The following ZNF407 variants were observed in gnomAD, a reference collection of about 807,000 sequenced individuals.
ZNF407 encodes the protein zinc finger protein 407.
ZNF407 carries 17 observed loss-of-function variants against 131.2 expected under a neutral mutation model. The ratio of observed to expected loss-of-function variants is 0.13; its 90% confidence interval spans 0.09 to 0.19. The LOEUF (loss-of-function observed/expected upper bound fraction) is 0.19, where lower values mean the gene tolerates loss of function less well. Ranked by LOEUF, ZNF407 falls within the 10% of genes least tolerant of loss-of-function variation. The pLI is 1.00. For synonymous variants in ZNF407, 1,156 were observed against 1,062.0 expected (o/e 1.09, Z -1.72); for missense variants, 2,681 against 2,830.6 (o/e 0.95, Z 1.20).
chr18:74,878,078 G>T (rs1313341728), intron 5 of ZNF407, among the ~76,000 whole-genome samples: 1 of 152,174 alleles, frequency 6.6e-6, no homozygotes, highest in East Asian at 1.9e-4. Flanking sequence ...AGAACTCTCA[G>T]TTGGGCCCTT....
At chr18:74,807,225 G>A (rs1970123503) in intron 4 of ZNF407, among the ~76,000 whole-genome samples, 1 of 152,138 alleles carries the variant, frequency 6.6e-6, no homozygotes, top group Non-Finnish European at 1.5e-5. Context: ...GATGAGAAAG[G>A]CAGCATTAAA....
intron 4 of ZNF407, among the ~76,000 whole-genome samples, chr18:74,817,634 A>C (rs1350177232): frequency 6.6e-6 from 1 of 152,198 alleles, no homozygotes; most frequent in Non-Finnish European, 1.5e-5. Context: ...GACACTATTT[A>C]AGATATTTGT....
intron 3 of ZNF407, among the ~76,000 whole-genome samples, chr18:74,688,033 C>A (rs945653090): frequency 6.6e-6 from 1 of 152,058 alleles, no homozygotes; most frequent in African/African-American, 2.4e-5. Context: ...TTAGTAAATT[C>A]TTTAATAAAA....
intron 4 of ZNF407, among the ~76,000 whole-genome samples, chr18:74,828,244 C>T (rs953378701): frequency 2.0e-5 from 3 of 152,128 alleles, no homozygotes; most frequent in African/African-American, 7.2e-5. Flanking sequence ...TGTAGGCATT[C>T]CTAATTTTCA....
chr18:75,050,197 A>G (rs1317390472), intron 8 of ZNF407, among the ~76,000 whole-genome samples: 1 of 152,186 alleles, frequency 6.6e-6, no homozygotes, highest in Admixed American at 6.5e-5. Context: ...AATTATTATT[A>G]CCATATAATA....
intron 4 of ZNF407, among the ~76,000 whole-genome samples, chr18:74,845,414 T>C (rs1970688734): frequency 6.6e-6 from 1 of 152,226 alleles, no homozygotes; most frequent in African/African-American, 2.4e-5. Flanking sequence ...ATGATTTTCA[T>C]CTAAACATAA....
At chr18:75,037,108 A>G (rs1057138387) in intron 8 of ZNF407, among the ~76,000 whole-genome samples, 5 of 152,254 alleles carry the variant, frequency 3.3e-5, no homozygotes, top group East Asian at 1.9e-4. Context: ...GGAATTCTCC[A>G]GCTTGTCAGT....
chr18:74,879,202 A>G (rs771399105), intron 5 of ZNF407, among the ~76,000 whole-genome samples: 5 of 152,196 alleles, frequency 3.3e-5, no homozygotes, highest in East Asian at 1.9e-4. Context: ...TCATGTTTCT[A>G]TTTTACAAGA....
At chr18:74,613,455 G>T (rs1599129934) in intron 1 of ZNF407, among the ~76,000 whole-genome samples, 1 of 152,268 alleles carries the variant, frequency 6.6e-6, no homozygotes, top group East Asian at 1.9e-4. Context: ...TTGATACTGA[G>T]TGCTGAAATT....
At chr18:74,679,820 C>G (rs1462958320) in intron 3 of ZNF407, among the ~76,000 whole-genome samples, 3 of 152,190 alleles carry the variant, frequency 2.0e-5, no homozygotes, top group Non-Finnish European at 2.9e-5. Flanking sequence ...ACTCTAACCC[C>G]ACAGTTGTCT....
chr18:74,917,106 C>G (rs1971782852), intron 7 of ZNF407, among the ~76,000 whole-genome samples: 1 of 152,034 alleles, frequency 6.6e-6, no homozygotes, highest in African/African-American at 2.4e-5. Context: ...ATATATTTGA[C>G]AAGTAACCCA....
intron 8 of ZNF407, among the ~76,000 whole-genome samples, chr18:74,971,381 C>T (rs1479204777): frequency 6.6e-6 from 1 of 152,182 alleles, no homozygotes; most frequent in Admixed American, 6.5e-5. Context: ...AACTTTTGTG[C>T]TCTGCTTCCC....
intron 8 of ZNF407, among the ~76,000 whole-genome samples, chr18:75,055,214 C>T (rs1313140719): frequency 6.6e-6 from 1 of 152,214 alleles, no homozygotes; most frequent in African/African-American, 2.4e-5. Context: ...AAGTACTATT[C>T]ATGGGTAAAT....
At chr18:74,808,995 A>G (rs949166673) in intron 4 of ZNF407, among the ~76,000 whole-genome samples, 2 of 152,238 alleles carry the variant, frequency 1.3e-5, no homozygotes, top group Non-Finnish European at 2.9e-5. Flanking sequence ...GAGCTAACAC[A>G]GACCGAACCG....
chr18:74,691,421 G>T (rs1165886028), intron 3 of ZNF407, among the ~76,000 whole-genome samples: 1 of 151,000 alleles, frequency 6.6e-6, no homozygotes. Context: ...TTTTATTTCA[G>T]CACTTCATAG....
chr18:74,850,031 G>C (rs558970293), intron 4 of ZNF407, among the ~76,000 whole-genome samples: 5 of 152,286 alleles, frequency 3.3e-5, no homozygotes, highest in Non-Finnish European at 7.4e-5. Flanking sequence ...CCCCATTCAT[G>C]AAATTATACC....
chr18:75,061,062 G>A (rs182086324), intron 8 of ZNF407, among the ~76,000 whole-genome samples: 1 of 152,262 alleles, frequency 6.6e-6, no homozygotes, highest in Non-Finnish European at 1.5e-5. Context: ...AATTAACTCG[G>A]TATTGAAAGA....
At chr18:75,003,705 T>C (rs559278321) in intron 8 of ZNF407, among the ~76,000 whole-genome samples, 12 of 152,316 alleles carry the variant, frequency 7.9e-5, no homozygotes, top group African/African-American at 2.6e-4. Flanking sequence ...GACAAGCAAA[T>C]TGCCTGACCT....
At chr18:74,599,216 A>G (rs754833332) in intron 1 of ZNF407, among the ~76,000 whole-genome samples, 2 of 152,220 alleles carry the variant, frequency 1.3e-5, no homozygotes, top group Non-Finnish European at 2.9e-5. Flanking sequence ...GCTATATACA[A>G]AATTACTGCT....
Sources: allele counts gnomAD v4.1 joint callset (sites outside exome capture counted in the v4.1 genomes callset), GRCh38; gene constraint gnomAD v4.1.1; transcripts MANE v1.5; gene names NCBI Gene and HGNC (gene_info 2026-07-23, HGNC 2026-07-21).